Variants in SAMD3 observed in about 807,000 individuals in gnomAD.
SAMD3 encodes sterile alpha motif domain containing 3, also known as sterile alpha motif domain-containing protein 3.
Under a neutral mutation model 58.5 loss-of-function variants are expected in SAMD3, and 63 were observed. The observed-to-expected ratio is 1.08, with a 90% confidence interval of 0.88 to 1.33. SAMD3 has a LOEUF of 1.33. Among genes scored for constraint, SAMD3 ranks in the 40% most tolerant of loss-of-function variants. The pLI, the probability that SAMD3 is intolerant of heterozygous loss-of-function variation, is 0.00. For missense variants in SAMD3, 604 were observed against 608.4 expected, an observed-to-expected ratio of 0.99 and a Z score of 0.08; for synonymous variants, 220 against 210.3, an observed-to-expected ratio of 1.05 and a Z score of -0.40.
chr6:130,170,206 A>G (rs1164186891), intron 8 of SAMD3, among the ~76,000 whole-genome samples: 1 of 151,914 alleles, frequency 6.6e-6, no homozygotes, highest in Non-Finnish European at 1.5e-5. Context: ...CTTGTCCCCC[A>G]CCGCCAACAG....
chr6:130,152,398 C>T (rs1476781298), intron 9 of SAMD3, among the ~76,000 whole-genome samples: 7 of 152,124 alleles, frequency 4.6e-5, no homozygotes, highest in Admixed American at 3.9e-4. Context: ...ACAATCAGGT[C>T]GGGCACGGTG....
At chr6:130,339,848 A>G (rs1180540130) in intron 1 of SAMD3, among the ~76,000 whole-genome samples, 3 of 151,760 alleles carry the variant, frequency 2.0e-5, no homozygotes, top group African/African-American at 4.9e-5. Context: ...TTATCAGGAT[A>G]TAAGTCCTGA....
upstream of SAMD3, among the ~76,000 whole-genome samples, chr6:130,224,328 G>C (rs1189938068): frequency 1.3e-5 from 2 of 152,030 alleles, no homozygotes; most frequent in Non-Finnish European, 1.5e-5. Flanking sequence ...CGTGAAAACA[G>C]GAGTGCCTGT....
At chr6:130,255,952 T>A (rs1446214612) in intron 2 of SAMD3, among the ~76,000 whole-genome samples, 1 of 152,060 alleles carries the variant, frequency 6.6e-6, no homozygotes, top group Non-Finnish European at 1.5e-5. Flanking sequence ...AAAAACTTAC[T>A]AACACCATTA....
chr6:130,265,574 T>A (rs894854641), intron 2 of SAMD3, among the ~76,000 whole-genome samples: 1 of 152,216 alleles, frequency 6.6e-6, no homozygotes, highest in African/African-American at 2.4e-5. Flanking sequence ...ACAGTTATTA[T>A]AAGTGTACTG....
intron 8 of SAMD3, chr6:130,161,426 G>A (rs778815218): frequency 6.6e-6 from 1 of 152,030 alleles, no homozygotes; most frequent in Non-Finnish European, 1.5e-5. Context: ...TATTTATAAT[G>A]TACTACTTCC....
chr6:130,358,827 C>T (rs1274672990), intron 1 of SAMD3, among the ~76,000 whole-genome samples: 1 of 151,948 alleles, frequency 6.6e-6, no homozygotes, highest in East Asian at 1.9e-4. Context: ...ACAATGTCTC[C>T]TTAACCCCTA....
At chr6:130,180,350 G>T (rs1208574185) in intron 7 of SAMD3, among the ~76,000 whole-genome samples, 1 of 137,944 alleles carries the variant, frequency 7.2e-6, no homozygotes, top group Non-Finnish European at 1.5e-5. Flanking sequence ...GCCCAGGCTG[G>T]TCTTGAACTC....
intron 9 of SAMD3, among the ~76,000 whole-genome samples, chr6:130,147,575 C>T (rs1788750583): frequency 6.6e-6 from 1 of 151,990 alleles, no homozygotes; most frequent in African/African-American, 2.4e-5. Context: ...TGTGCAGCTT[C>T]CCCCAATTTC....
intron 8 of SAMD3, among the ~76,000 whole-genome samples, chr6:130,156,876 C>T (rs569890609): frequency 6.6e-6 from 1 of 152,144 alleles, no homozygotes; most frequent in East Asian, 1.9e-4. Context: ...TGAGACCAGC[C>T]TGGCTAACAT....
At chr6:130,219,526 T>C (rs1796134973) in intron 1 of SAMD3, among the ~76,000 whole-genome samples, 1 of 152,186 alleles carries the variant, frequency 6.6e-6, no homozygotes. Context: ...CATTGTGTCA[T>C]TCCTATGCCT....
intron 2 of SAMD3, among the ~76,000 whole-genome samples, chr6:130,299,686 A>G (rs1292666800): frequency 6.6e-6 from 1 of 152,168 alleles, no homozygotes; most frequent in Non-Finnish European, 1.5e-5. Flanking sequence ...GTTTTTTGAA[A>G]GGATAAACAA....
rs368457532 is a variant in SAMD3, at chr6:130,316,647, A to G, written c.-303-3554T>C. ...AATGCTTGGCCCAAGTGTATGCTCT[A>G]TTAAGGTGAATGCATTGGGGTCAGA... On this transcript the variant is annotated intron_variant, in intron 1 of 13. Transcript: ENST00000368134. 5.5e-4 allele frequency among the ~76,000 whole-genome samples: 84 copies of G among 152,304 alleles called. 2 individuals are homozygous for G. In the South Asian group the frequency reaches 0.016, roughly 28 times the overall value.
chr6:130,186,988 T>A (rs1582845120), intron 5 of SAMD3, among the ~76,000 whole-genome samples: 1 of 152,170 alleles, frequency 6.6e-6, no homozygotes, highest in East Asian at 1.9e-4. Flanking sequence ...GCCAGGATGG[T>A]CTCAATCTCC....
chr6:130,365,656 C>T (rs1040182088), upstream of SAMD3: 1 of 985,286 alleles, frequency 1.0e-6, no homozygotes, highest in Non-Finnish European at 1.2e-6. Flanking sequence ...TAGAGGCGGG[C>T]CCCACGGGTG....
At chr6:130,214,302 G>GAA in intron 4 of SAMD3, 35 bp downstream of exon 4, 4 of 1,375,946 alleles carry the variant, frequency 2.9e-6, no homozygotes, top group South Asian at 1.5e-5. Flanking sequence ...GAAAGCTTGG[G>GAA]AAAAAAAAAT....
At chr6:130,354,268 A>T (rs1777762534) in intron 1 of SAMD3, among the ~76,000 whole-genome samples, 1 of 152,212 alleles carries the variant, frequency 6.6e-6, no homozygotes, top group African/African-American at 2.4e-5. Flanking sequence ...AAGTGTGGTA[A>T]TTCCTTAAAG....
At chr6:130,238,260 T>C (rs1217426686) in intron 2 of SAMD3, among the ~76,000 whole-genome samples, 2 of 152,178 alleles carry the variant, frequency 1.3e-5, no homozygotes, top group Non-Finnish European at 2.9e-5. Context: ...ATGTGATCAA[T>C]GTTGGCAGTT....
At chr6:130,280,129 C>G (rs972391948) in intron 2 of SAMD3, among the ~76,000 whole-genome samples, 1 of 152,134 alleles carries the variant, frequency 6.6e-6, no homozygotes, top group African/African-American at 2.4e-5. Context: ...TTGTTTTTCA[C>G]TAGCTACTTC....
Sources: gnomAD v4.1 joint callset for allele counts (sites outside exome capture counted in the v4.1 genomes callset) on GRCh38, gnomAD v4.1.1 for gene constraint, MANE v1.5 for transcripts, NCBI Gene and HGNC (gene_info 2026-07-23, HGNC 2026-07-21) for gene names.